Variants in ERFL observed in about 807,000 individuals in gnomAD.
ERFL encodes ETS repressor factor like.
Under a neutral mutation model 27.9 loss-of-function variants are expected in ERFL, and 8 were observed. That is an observed-to-expected ratio of 0.29 (90% CI 0.17 to 0.52). The LOEUF (loss-of-function observed/expected upper bound fraction) is 0.52, where lower values mean the gene tolerates loss of function less well. Among genes scored for constraint, ERFL ranks in the 20% least tolerant of loss-of-function variants. The pLI is 0.97. For synonymous variants in ERFL, 174 were observed against 202.8 expected (o/e 0.86, Z 1.21); for missense variants, 294 against 444.4 (o/e 0.66, Z 3.04).
chr19:41,914,683 A>G (rs371424576), intron 1 of ERFL, among the ~76,000 whole-genome samples: 199 of 5,464 alleles, frequency 0.036, 48 homozygotes, highest in South Asian at 0.081. Context: ...CCCTTCCACC[A>G]TCTCTGTCTC....
In ERFL at chr19:41,921,980, A is replaced by C. The variant is rs1254746601; in HGVS notation, c.-14+6060T>G. 7.4e-4 allele frequency among the ~76,000 whole-genome samples: 32 copies of C among 43,042 alleles called. No individual in the cohort carries two copies. The highest frequency in any genetic ancestry group is 1.2e-3 in the Admixed American group (4 of 3,408). 28.2% of individuals were successfully genotyped at this position (43,042 alleles called of 152,430 possible). On this transcript the variant is annotated intron_variant, in intron 1 of 5. Coordinates refer to ENST00000597630, the MANE Select transcript of ERFL (RefSeq NM_001365103.2). This position sits in a 1 kb window ranked among gnomAD's most constrained non-coding sequence, Gnocchi z 4.4. Reference sequence around the variant, plus strand: ...CATCCCCAACTCCCACCCCTTCCCCACCCTTGCCTTCATTCTACCTCCACC... The same window carrying C: ...CATCCCCAACTCCCACCCCTTCCCCCCCCTTGCCTTCATTCTACCTCCACC...
chr19:41,919,449 C>T (rs2074824418), intron 1 of ERFL, among the ~76,000 whole-genome samples: 1 of 152,042 alleles, frequency 6.6e-6, no homozygotes, highest in South Asian at 2.1e-4. Flanking sequence ...TTGTTATGAA[C>T]CAACACTCAA....
At chr19:41,918,097 T>C (rs73935809) in intron 1 of ERFL, among the ~76,000 whole-genome samples, 35,395 of 151,620 alleles carry the variant, frequency 0.23, 8,352 homozygotes, top group African/African-American at 0.61. Context: ...TGCCCCCCCA[T>C]CCCGGACGCC....
intron 1 of ERFL, among the ~76,000 whole-genome samples, chr19:41,914,207 GGC>G (rs2074772427): frequency 1.4e-5 from 2 of 144,072 alleles, no homozygotes; most frequent in Admixed American, 1.4e-4. Context: ...CCCTGTCCCA[GGC>G]CCCCTCTGTT....
At chr19:41,919,882 A>T (rs1381635028) in intron 1 of ERFL, among the ~76,000 whole-genome samples, 1 of 152,090 alleles carries the variant, frequency 6.6e-6, no homozygotes, top group African/African-American at 2.4e-5. Flanking sequence ...GGACGGTCAC[A>T]CCAGACGCAG....
intron 1 of ERFL, among the ~76,000 whole-genome samples, chr19:41,914,012 G>C (rs1163065961): frequency 6.8e-6 from 1 of 147,180 alleles, no homozygotes; most frequent in Non-Finnish European, 1.5e-5. Context: ...CTGCTCCCAT[G>C]CGCCCCCCAG....
chr19:41,909,580 CT>C lies in ERFL; in HGVS notation c.303-110del. ...AGGCATGGTGCACAGAGCACTAGAA[CT>C]TGGGGAAACTGAGGCTCACAGAAGT... On this transcript the variant is annotated intron_variant, in intron 3 of 5. Coordinates refer to ENST00000597630, the MANE Select transcript of ERFL (RefSeq NM_001365103.2). The surrounding 1 kb of genome is among the most constrained non-coding windows in gnomAD (Gnocchi z 5.2). The C allele has an allele frequency of 2.2e-6, 2 of 930,048 alleles. No individual in the cohort carries two copies. The highest frequency in any genetic ancestry group is 3.0e-6 in the Non-Finnish European group (2 of 673,674). 57.6% of individuals were successfully genotyped at this position (930,048 alleles called of 1,614,324 possible).
In ERFL at chr19:41,916,064, G is replaced by A. The variant is rs2074799676; in HGVS notation, c.-13-3132C>T. 6.6e-6 allele frequency among the ~76,000 whole-genome samples: 1 copy of A among 151,100 alleles called. No homozygotes were observed. The highest frequency in any genetic ancestry group is 1.5e-5 in the Non-Finnish European group (1 of 67,870). Reference sequence around the variant, plus strand: ...ACCGCCCGCAGCCATGGCACCGAATGTGTGTGCGCATGTGAGCGAAGCGGT... The same window carrying A: ...ACCGCCCGCAGCCATGGCACCGAATATGTGTGCGCATGTGAGCGAAGCGGT... On this transcript the variant is annotated intron_variant, in intron 1 of 5. Coordinates refer to ENST00000597630, the MANE Select transcript of ERFL (RefSeq NM_001365103.2). This position sits in a 1 kb window ranked among gnomAD's most constrained non-coding sequence, Gnocchi z 5.4.
rs1463141684 is a variant in ERFL at position 41,912,928 on chromosome 19, C to A, written c.-9G>T. Reference sequence around the variant, plus strand: ...ACGCAGCTACAGTCCATGGCGGAGCCGGCCCTGCAGAGGCCGGGAGGGACA... The same window carrying A: ...ACGCAGCTACAGTCCATGGCGGAGCAGGCCCTGCAGAGGCCGGGAGGGACA... On this transcript the variant is annotated 5_prime_UTR_variant, in exon 2 of 6. Transcript: ENST00000597630. 8.1e-7 allele frequency: 1 copy of A among 1,230,202 alleles called. No homozygotes were observed. Among genetic ancestry groups the A allele is most frequent in the Non-Finnish European group, 1.0e-6 (1 of 986,724 alleles). 76.2% of individuals were successfully genotyped at this position (1,230,202 alleles called of 1,614,324 possible). A position where few individuals can be genotyped will look rare whatever the true frequency, so the allele number is the denominator to read the frequency against.
rs2074808542 is a variant in ERFL at position 41,917,454 on chromosome 19, G to A, written c.-13-4522C>T. On this transcript the variant is annotated intron_variant, in intron 1 of 5. Coordinates refer to ENST00000597630, the MANE Select transcript of ERFL (RefSeq NM_001365103.2). The surrounding 1 kb of genome is among the most constrained non-coding windows in gnomAD (Gnocchi z 4.8). ...CTCGGGCCTCGCACCCCCACCACCAGCCCCTTCATCCCTCACCCAGGCCCC... is the reference window on the plus strand; with the variant it reads ...CTCGGGCCTCGCACCCCCACCACCAACCCCTTCATCCCTCACCCAGGCCCC... 7.6e-6 allele frequency among the ~76,000 whole-genome samples: 1 copy of A among 132,358 alleles called. No homozygotes were observed. The highest frequency in any genetic ancestry group is 2.9e-5 in the African/African-American group (1 of 34,758). The allele number at this position is 132,358 out of a possible 152,430, so 86.8% of individuals were successfully genotyped here.
At position 41,923,734 on chromosome 19, in the gene ERFL, G is replaced by A. The variant is rs114571853; in HGVS notation, c.-14+4306C>T. ...GCTGTGCTGGGGGGGTGTCTGGGGAGGCGGAGGTGTGCTGGGACGGGGCTG... is the reference window on the plus strand; with the variant it reads ...GCTGTGCTGGGGGGGTGTCTGGGGAAGCGGAGGTGTGCTGGGACGGGGCTG... On this transcript the variant is annotated intron_variant, in intron 1 of 5. Coordinates refer to ENST00000597630, the MANE Select transcript of ERFL (RefSeq NM_001365103.2). 2.6e-3 allele frequency among the ~76,000 whole-genome samples: 49 copies of A among 18,918 alleles called. 3 individuals are homozygous for A. The highest frequency in any genetic ancestry group is 0.014 in the African/African-American group (43 of 3,040). 12.4% of individuals were successfully genotyped at this position (18,918 alleles called of 152,430 possible). A position where few individuals can be genotyped will look rare whatever the true frequency, so the allele number is the denominator to read the frequency against.
chr19:41,915,091 C>T (rs1555851830), intron 1 of ERFL, among the ~76,000 whole-genome samples: 1 of 124,844 alleles, frequency 8.0e-6, no homozygotes, highest in Non-Finnish European at 1.7e-5. Context: ...TCCCACCTCC[C>T]GCTCTCTTTG....
At position 41,914,639 on chromosome 19, in the gene ERFL, C is replaced by T. The variant is rs199977633; in HGVS notation, c.-13-1707G>A. Among the ~76,000 whole-genome samples the T allele has an allele frequency of 2.1e-4, 8 of 38,310 alleles. 1 individual carries two copies. Among genetic ancestry groups the T allele is most frequent in the African/African-American group, 9.1e-4 (4 of 4,378 alleles). The allele number at this position is 38,310 out of a possible 152,430, so 25.1% of individuals were successfully genotyped here. A position where few individuals can be genotyped will look rare whatever the true frequency, so the allele number is the denominator to read the frequency against. On this transcript the variant is annotated intron_variant, in intron 1 of 5. Transcript: ENST00000597630. ...CCTTCCACCATCTCTGTCTCTGTCT[C>T]TCCCTCCCTTTCCACCATCTCTGTC...
At position 41,924,556 on chromosome 19, in the gene ERFL, A is replaced by G. The variant is rs574053646; in HGVS notation, c.-14+3484T>C. On this transcript the variant is annotated intron_variant, in intron 1 of 5. Transcript: ENST00000597630. Reference sequence around the variant, plus strand: ...ATTCTCGTTGTCGCCATCAGTATATATGGGGAGGGTAGGTGTTATGTGGTG... The same window carrying G: ...ATTCTCGTTGTCGCCATCAGTATATGTGGGGAGGGTAGGTGTTATGTGGTG... Among the ~76,000 whole-genome samples, 4 of 151,900 alleles carry G rather than the reference A, an allele frequency of 2.6e-5. 1 individual carries two copies. The highest frequency in any genetic ancestry group is 9.7e-5 in the African/African-American group (4 of 41,268).
chr19:41,926,717 G>C (rs369473027), intron 1 of ERFL, among the ~76,000 whole-genome samples: 119 of 152,260 alleles, frequency 7.8e-4, no homozygotes, highest in East Asian at 9.7e-4. Context: ...CGGCCGGGAG[G>C]GGGGAGCGGG....
intron 2 of ERFL, among the ~76,000 whole-genome samples, chr19:41,911,870 GAC>G (rs1555851285): frequency 6.6e-6 from 1 of 151,276 alleles, no homozygotes; most frequent in Non-Finnish European, 1.5e-5. Flanking sequence ...TCAGTAGGCA[GAC>G]ACACACATGT....
rs939888648 is a variant in ERFL at position 41,917,915 on chromosome 19, G to A, written c.-13-4983C>T. Among the ~76,000 whole-genome samples the A allele has an allele frequency of 6.6e-6, 1 of 151,864 alleles. No homozygotes were observed. The highest frequency in any genetic ancestry group is 1.5e-5 in the Non-Finnish European group (1 of 67,978). ...TGGGTGCACGAAGCCAGCTCCCCGC[G>A]GTCACACACTGTGTGTGTGTGTGCT... On this transcript the variant is annotated intron_variant, in intron 1 of 5. Transcript: ENST00000597630. The surrounding 1 kb of genome is among the most constrained non-coding windows in gnomAD (Gnocchi z 4.8).
rs1056727957 is a variant in ERFL at position 41,908,101 on chromosome 19, T to G, written c.*127A>C. ...CCACTCTGGGGCTGGGGAAGGAGAC[T>G]GGGGCAGCAATGTGCCCAGACCTGG... On this transcript the variant is annotated 3_prime_UTR_variant, in exon 6 of 6. Coordinates refer to ENST00000597630, the MANE Select transcript of ERFL (RefSeq NM_001365103.2). This position sits in a 1 kb window ranked among gnomAD's most constrained non-coding sequence, Gnocchi z 6.7. 3.0e-6 allele frequency: 2 copies of G among 674,682 alleles called. No individual in the cohort carries two copies. The highest frequency in any genetic ancestry group is 2.1e-6 in the Non-Finnish European group (1 of 479,436). 41.8% of individuals were successfully genotyped at this position (674,682 alleles called of 1,614,324 possible). A position where few individuals can be genotyped will look rare whatever the true frequency, so the allele number is the denominator to read the frequency against.
chr19:41,913,007 G>A, intron 1 of ERFL, 75 bp from the exon 2 acceptor site: 1 of 621,964 alleles, frequency 1.6e-6, no homozygotes. Context: ...GCGGGGCGCT[G>A]CCCGGGGCCT....
Sources: allele counts gnomAD v4.1 joint callset (sites outside exome capture counted in the v4.1 genomes callset), GRCh38; gene constraint gnomAD v4.1.1; non-coding constraint Gnocchi (gnomAD v3.1); transcripts MANE v1.5; gene names NCBI Gene and HGNC (gene_info 2026-07-23, HGNC 2026-07-21).